PSMD12: variants seen among roughly 807,000 people sequenced by gnomAD.
PSMD12 encodes 26S proteasome non-ATPase regulatory subunit 12.
PSMD12 carries 8 observed loss-of-function variants against 62.9 expected under a neutral mutation model. The ratio of observed to expected loss-of-function variants is 0.13; its 90% CI spans 0.07 to 0.23. The LOEUF (loss-of-function observed/expected upper bound fraction) is 0.23. Among genes scored for constraint, PSMD12 ranks in the 10% least tolerant of loss-of-function variants. PSMD12 has a pLI of 1.00. For missense variants in PSMD12, 424 were observed against 550.2 expected (o/e 0.77, Z 2.29); for synonymous variants, 173 against 187.4 (o/e 0.92, Z 0.63).
chr17:67,356,426 C>T lies in PSMD12; in HGVS notation c.297+877G>A, dbSNP rs372562346. On this transcript the variant is annotated intron_variant, in intron 3 of 10. Transcript: ENST00000356126. Reference sequence around the variant, plus strand: ...ACAAAAAATTAGCCGGGCGTGGTAGCGGGCGCCTGTAGTCCCAGCTACTCG... The same window carrying T: ...ACAAAAAATTAGCCGGGCGTGGTAGTGGGCGCCTGTAGTCCCAGCTACTCG... 6.5e-4 allele frequency among the ~76,000 whole-genome samples: 97 copies of T among 149,654 alleles called. 1 individual carries two copies. In the East Asian group the frequency reaches 0.016, roughly 24 times the overall value.
intron 9 of PSMD12, among the ~76,000 whole-genome samples, chr17:67,343,544 G>A (rs936558291): frequency 2.6e-5 from 4 of 151,908 alleles, no homozygotes; most frequent in Admixed American, 1.3e-4. Context: ...CTCAATCATC[G>A]ATTCATCCGA....
chr17:67,343,333 C>T (rs145267809), intron 9 of PSMD12, among the ~76,000 whole-genome samples: 26 of 152,296 alleles, frequency 1.7e-4, no homozygotes, highest in African/African-American at 6.0e-4. Context: ...TTCCTTAAAA[C>T]AATCCCATTC....
chr17:67,356,212 AG>A (rs955473250), intron 3 of PSMD12, among the ~76,000 whole-genome samples: 1 of 152,104 alleles, frequency 6.6e-6, no homozygotes, highest in Non-Finnish European at 1.5e-5. Flanking sequence ...TTAGTCAAGG[AG>A]AGAAATCTTT....
chr17:67,342,673 ACACCTGTAATCCCAG>A (rs1199119561), intron 9 of PSMD12, among the ~76,000 whole-genome samples: 1 of 152,166 alleles, frequency 6.6e-6, no homozygotes, highest in Non-Finnish European at 1.5e-5. Flanking sequence ...GCAGGGACTC[ACACCTGTAATCCCAG>A]CACTTTGGGA....
chr17:67,356,482 C>T lies in PSMD12; in HGVS notation c.297+821G>A, dbSNP rs1486235294. ...CTGAGGCAGGAGAATGGCGTGAACC[C>T]GGGAGGCGGAGCTTGCAGTGAGCCG... On this transcript the variant is annotated intron_variant, in intron 3 of 10. Coordinates refer to ENST00000356126, the MANE Select transcript of PSMD12 (RefSeq NM_002816.5). 4.0e-4 allele frequency among the ~76,000 whole-genome samples: 52 copies of T among 128,768 alleles called. 1 individual carries two copies. Among genetic ancestry groups the T allele is most frequent in the African/African-American group, 1.3e-3 (45 of 35,554 alleles). 84.5% of individuals were successfully genotyped at this position (128,768 alleles called of 152,430 possible).
intron 3 of PSMD12, 98 bp from the exon 4 acceptor site, chr17:67,350,434 C>T (rs2042006822): frequency 2.5e-6 from 2 of 791,464 alleles, no homozygotes; most frequent in Admixed American, 3.4e-5. Flanking sequence ...CTTGGTCTTC[C>T]CAAGTAACTC....
chr17:67,339,995 A>G lies in PSMD12; in HGVS notation c.*848T>C, dbSNP rs369625176. ...AATGAATTTGGAACAATAATGATGT[A>G]ATCAGACTTACAAGTTAAAGCCACA... On this transcript the variant is annotated 3_prime_UTR_variant, in exon 11 of 11. Coordinates refer to ENST00000356126, the MANE Select transcript of PSMD12 (RefSeq NM_002816.5). The G allele has an allele frequency of 6.6e-6, 1 of 151,592 alleles. No homozygotes were observed. The highest frequency in any genetic ancestry group is 2.4e-5 in the African/African-American group (1 of 41,312). The allele number at this position is 151,592 out of a possible 1,614,324, so 9.4% of individuals were successfully genotyped here. A position where few individuals can be genotyped will look rare whatever the true frequency, so the allele number is the denominator to read the frequency against.
chr17:67,358,567 C>CAAAAAAAAAAAAAAAAAAAA (rs398039153), intron 1 of PSMD12, among the ~76,000 whole-genome samples: 10 of 74,052 alleles, frequency 1.4e-4, no homozygotes, highest in East Asian at 4.8e-4. Flanking sequence ...GAACCTGTCT[C>CAAAAAAAAAAAAAAAAAAAA]AAAAAAAAAA....
chr17:67,338,054 A>C lies in PSMD12; in HGVS notation c.*2789T>G, dbSNP rs571011831. 16 of 152,242 alleles carry C rather than the reference A, an allele frequency of 1.1e-4. No homozygotes were observed. Among genetic ancestry groups the C allele is most frequent in the Non-Finnish European group, 1.9e-4 (13 of 68,052 alleles). The allele number at this position is 152,242 out of a possible 1,614,324, so 9.4% of individuals were successfully genotyped here. ...CACATTTAACACTTACAAGAGAGAA[A>C]ATGGAACTGTTTGAATTTTAAAGAT... is the stretch of plus-strand genomic sequence containing the variant. On this transcript the variant is annotated 3_prime_UTR_variant, in exon 11 of 11. Transcript: ENST00000356126.
chr17:67,353,316 C>G (rs995216624), intron 3 of PSMD12, among the ~76,000 whole-genome samples: 11 of 151,076 alleles, frequency 7.3e-5, no homozygotes, highest in Non-Finnish European at 1.6e-4. Flanking sequence ...CTTCCCCCCG[C>G]TCCCTCTCTC....
intron 3 of PSMD12, among the ~76,000 whole-genome samples, chr17:67,353,026 A>C (rs755630994): frequency 6.6e-6 from 1 of 152,198 alleles, no homozygotes; most frequent in Non-Finnish European, 1.5e-5. Context: ...GTTTTGTACT[A>C]TCTGTGGTTT....
At chr17:67,358,069 G>C (rs1326509545) in intron 1 of PSMD12, among the ~76,000 whole-genome samples, 1 of 152,020 alleles carries the variant, frequency 6.6e-6, no homozygotes. Flanking sequence ...CTACAGGAGT[G>C]CCCCACCACA....
intron 3 of PSMD12, among the ~76,000 whole-genome samples, chr17:67,354,179 C>T (rs1197900529): frequency 6.6e-6 from 1 of 152,094 alleles, no homozygotes; most frequent in Non-Finnish European, 1.5e-5. Context: ...GCAGACAAGG[C>T]AAAGGCAGGA....
intron 1 of PSMD12, among the ~76,000 whole-genome samples, chr17:67,358,070 C>T (rs952635568): frequency 2.0e-5 from 3 of 152,058 alleles, no homozygotes; most frequent in Admixed American, 6.6e-5. Context: ...TACAGGAGTG[C>T]CCCACCACAC....
intron 1 of PSMD12, among the ~76,000 whole-genome samples, chr17:67,363,159 T>G (rs563854123): frequency 6.6e-6 from 1 of 152,138 alleles, no homozygotes; most frequent in African/African-American, 2.4e-5. Flanking sequence ...TATACAACTT[T>G]TTTTTTTTAA....
In PSMD12 at chr17:67,340,861, C is replaced by A; in HGVS notation, c.1353G>T (p.Met451Ile). The change falls in exon 11 of 11, where the codon ATG becomes ATT. Residue 451 changes from methionine to isoleucine, a missense_variant. Met to Ile is a conservative substitution (Grantham distance 10, BLOSUM62 1). Coordinates refer to ENST00000356126, the MANE Select transcript of PSMD12 (RefSeq NM_002816.5). Reference sequence around the variant, plus strand: ...AAGACCCTTATTGTAGATTATGTATCATCTCCTCTTTGGCTATGAGATGCG... The same window carrying A: ...AAGACCCTTATTGTAGATTATGTATAATCTCCTCTTTGGCTATGAGATGCG... ...KTTHLIAKEE[M>I]IHNLQ The A allele has an allele frequency of 1.5e-5, 23 of 1,580,154 alleles. No individual in the cohort carries two copies. Among genetic ancestry groups the A allele is most frequent in the Non-Finnish European group, 2.0e-5 (23 of 1,168,778 alleles).
chr17:67,350,442 C>T, intron 3 of PSMD12, 106 bp from the exon 4 acceptor site: 1 of 656,968 alleles, frequency 1.5e-6, no homozygotes. Context: ...TCCCAAGTAA[C>T]TCTAGACACC....
At chr17:67,350,080 C>T in intron 4 of PSMD12, 149 bp downstream of exon 4, 1 of 481,096 alleles carries the variant, frequency 2.1e-6, no homozygotes, top group Non-Finnish European at 3.6e-6. Context: ...TGTACAAAGA[C>T]ATTATTGGTT....
intron 3 of PSMD12, among the ~76,000 whole-genome samples, chr17:67,354,078 G>A (rs532363011): frequency 8.1e-4 from 123 of 152,316 alleles, no homozygotes; most frequent in Admixed American, 1.6e-3. Flanking sequence ...CACATTCCAA[G>A]CACTTTACAT....
Sources: allele counts gnomAD v4.1 joint callset (sites outside exome capture counted in the v4.1 genomes callset), GRCh38; gene constraint gnomAD v4.1.1; transcripts MANE v1.5; gene names NCBI Gene and HGNC (gene_info 2026-07-23, HGNC 2026-07-21).